Variants in PRKG1 observed in about 807,000 individuals in gnomAD.
PRKG1 encodes the protein cGMP-dependent protein kinase 1.
A neutral mutation model predicts 88.1 loss-of-function variants in PRKG1; 35 were observed. That is an observed-to-expected ratio of 0.40 (90% CI 0.30 to 0.53). The LOEUF (loss-of-function observed/expected upper bound fraction) is 0.53. Ranked by LOEUF, PRKG1 falls within the 20% of genes least tolerant of loss-of-function variation. PRKG1 has a pLI of 0.59. For synonymous variants in PRKG1, 303 were observed against 292.5 expected, an observed-to-expected ratio of 1.04 and a Z score of -0.37; for missense variants, 540 against 839.8, an observed-to-expected ratio of 0.64 and a Z score of 4.41.
chr10:51,281,462 C>T (rs1326082300), intron 2 of PRKG1, among the ~76,000 whole-genome samples: 1 of 152,178 alleles, frequency 6.6e-6, no homozygotes, highest in Non-Finnish European at 1.5e-5. Flanking sequence ...GAGCCTCGCT[C>T]ATTGCTAGCA....
chr10:51,793,776 T>C (rs573971662), intron 3 of PRKG1, among the ~76,000 whole-genome samples: 104 of 152,244 alleles, frequency 6.8e-4, no homozygotes, highest in African/African-American at 2.3e-3. Flanking sequence ...CATTTTTGTT[T>C]TTTGAGACAG....
chr10:51,264,519 C>T (rs1264395268), intron 2 of PRKG1, among the ~76,000 whole-genome samples: 2 of 152,178 alleles, frequency 1.3e-5, no homozygotes, highest in African/African-American at 4.8e-5. Context: ...TTAGTATTCA[C>T]ATATGTATCA....
chr10:51,092,059 C>G (rs753227594), intron 1 of PRKG1, among the ~76,000 whole-genome samples: 1 of 152,090 alleles, frequency 6.6e-6, no homozygotes, highest in Non-Finnish European at 1.5e-5. Context: ...TTTTGGCTCC[C>G]TGTGCAAATT....
At chr10:51,940,504 G>A (rs1185673067) in intron 5 of PRKG1, among the ~76,000 whole-genome samples, 1 of 151,930 alleles carries the variant, frequency 6.6e-6, no homozygotes, top group Admixed American at 6.6e-5. Flanking sequence ...ACTGGTACAA[G>A]TTTGGATACC....
rs566245699 is a variant in PRKG1 at position 51,767,279 on chromosome 10, T to C, written c.593-37306T>C. ...AATCCAACTCTCCCACCCTCTACCA[T>C]GGAGAGCTATTTGAAATGAATTCCC... is the stretch of plus-strand genomic sequence containing the variant. On this transcript the variant is annotated intron_variant, in intron 3 of 17. Transcript: ENST00000373980. 2.0e-5 allele frequency among the ~76,000 whole-genome samples: 3 copies of C among 152,248 alleles called. No homozygotes were observed. In the South Asian group the frequency reaches 6.2e-4, roughly 32 times the overall value.
At chr10:51,181,789 A>G (rs539354455) in intron 2 of PRKG1, among the ~76,000 whole-genome samples, 1 of 152,208 alleles carries the variant, frequency 6.6e-6, no homozygotes, top group Non-Finnish European at 1.5e-5. Flanking sequence ...ACTGCAATCT[A>G]TTAAAGGAGA....
chr10:52,125,057 A>G (rs1847901164), intron 7 of PRKG1, among the ~76,000 whole-genome samples: 1 of 152,152 alleles, frequency 6.6e-6, no homozygotes, highest in African/African-American at 2.4e-5. Context: ...GTAGGAGTAC[A>G]CTCTAAAATA....
chr10:51,634,699 C>CA (rs1415951427), intron 3 of PRKG1, among the ~76,000 whole-genome samples: 1 of 151,960 alleles, frequency 6.6e-6, no homozygotes, highest in Non-Finnish European at 1.5e-5. Context: ...AGCTAGAAAG[C>CA]AATGTTCAAG....
rs565583672 is a variant in PRKG1 at position 51,043,940 on chromosome 10, C to G, written c.266+52296C>G. The stretch of plus-strand genomic sequence containing the variant: ...GCAGTACTGAGGAACACTAGCTAAA[C>G]TTTTCTCTATACCAAACCTTTATCC... On this transcript the variant is annotated intron_variant, in intron 1 of 17. Coordinates refer to the PRKG1 transcript ENST00000401604. Among the ~76,000 whole-genome samples the G allele has an allele frequency of 2.0e-5, 3 of 152,272 alleles. No individual in the cohort carries two copies. In the East Asian group the frequency reaches 5.8e-4, roughly 29 times the overall value.
intron 3 of PRKG1, among the ~76,000 whole-genome samples, chr10:51,722,500 G>C (rs1004403167): frequency 4.0e-5 from 6 of 151,766 alleles, no homozygotes; most frequent in African/African-American, 1.5e-4. Flanking sequence ...AGTATCTACT[G>C]TTTTATAAGT....
chr10:51,314,773 C>T (rs1841278109), intron 2 of PRKG1, among the ~76,000 whole-genome samples: 1 of 152,190 alleles, frequency 6.6e-6, no homozygotes, highest in African/African-American at 2.4e-5. Context: ...CTTATGAGGA[C>T]TGAATCTGTG....
intron 3 of PRKG1, among the ~76,000 whole-genome samples, chr10:51,551,540 G>T (rs998408985): frequency 1.3e-5 from 2 of 151,728 alleles, no homozygotes; most frequent in Admixed American, 1.3e-4. Flanking sequence ...GTGTTTGTAT[G>T]AATGAGTTAT....
intron 3 of PRKG1, among the ~76,000 whole-genome samples, chr10:51,493,965 C>A (rs1273985723): frequency 1.3e-5 from 2 of 152,184 alleles, no homozygotes; most frequent in African/African-American, 4.8e-5. Context: ...AACTTTGAAT[C>A]AGATAGGAAT....
chr10:51,971,211 G>A (rs762569079), intron 5 of PRKG1, among the ~76,000 whole-genome samples: 12 of 151,864 alleles, frequency 7.9e-5, no homozygotes, highest in Admixed American at 2.6e-4. Context: ...CCAGGATTTG[G>A]CAATACTCTA....
intron 1 of PRKG1, among the ~76,000 whole-genome samples, chr10:51,061,614 G>A (rs1843693344): frequency 6.6e-6 from 1 of 152,096 alleles, no homozygotes; most frequent in Non-Finnish European, 1.5e-5. Flanking sequence ...ATAGAGGTTA[G>A]AACTTCTCCC....
intron 3 of PRKG1, among the ~76,000 whole-genome samples, chr10:51,510,343 C>T (rs910807919): frequency 2.6e-5 from 4 of 152,028 alleles, no homozygotes; most frequent in African/African-American, 7.2e-5. Flanking sequence ...GTGATGAGAA[C>T]ATTTAAAATC....
At chr10:51,938,341 T>C (rs1842837699) in intron 5 of PRKG1, among the ~76,000 whole-genome samples, 1 of 152,036 alleles carries the variant, frequency 6.6e-6, no homozygotes, top group Admixed American at 6.6e-5. Context: ...GGAGAAAAGA[T>C]AGTATATATA....
At chr10:51,193,867 A>C (rs1259225671) in intron 2 of PRKG1, among the ~76,000 whole-genome samples, 2 of 152,146 alleles carry the variant, frequency 1.3e-5, no homozygotes, top group Non-Finnish European at 2.9e-5. Flanking sequence ...CTATAATCAC[A>C]AGACAGACCA....
chr10:51,421,337 TA>T (rs1189803058), intron 2 of PRKG1, among the ~76,000 whole-genome samples: 1 of 152,128 alleles, frequency 6.6e-6, no homozygotes. Context: ...CATGCCTAGC[TA>T]ATTTTTTAAA....
Sources: gnomAD v4.1 joint callset for allele counts (sites outside exome capture counted in the v4.1 genomes callset) on GRCh38, gnomAD v4.1.1 for gene constraint, MANE v1.5 for transcripts, NCBI Gene and HGNC (gene_info 2026-07-23, HGNC 2026-07-21) for gene names.